CCDC148: variants seen among roughly 807,000 people sequenced by gnomAD.
CCDC148 encodes the protein coiled-coil domain containing 148, also known as coiled-coil domain-containing protein 148.
In CCDC148, 89 loss-of-function variants were observed where a neutral mutation model predicts 85.7. The ratio of observed to expected loss-of-function variants is 1.04; its 90% CI spans 0.87 to 1.24. The LOEUF (loss-of-function observed/expected upper bound fraction) is 1.24, where lower values mean the gene tolerates loss of function less well. Among genes scored for constraint, CCDC148 ranks in the 50% most tolerant of loss-of-function variants. CCDC148 has a pLI of 0.00. For missense variants in CCDC148, 692 were observed against 671.7 expected, an observed-to-expected ratio of 1.03 and a Z score of -0.33; for synonymous variants, 230 against 213.9, an observed-to-expected ratio of 1.08 and a Z score of -0.66.
intron 2 of CCDC148, among the ~76,000 whole-genome samples, chr2:158,351,375 G>T (rs943139433): frequency 4.6e-5 from 7 of 152,168 alleles, no homozygotes; most frequent in Admixed American, 6.5e-5. Context: ...TCAGTGGGTG[G>T]GCGCAACGTG....
intron 1 of CCDC148, among the ~76,000 whole-genome samples, chr2:158,365,310 A>G (rs931020072): frequency 2.6e-5 from 4 of 152,346 alleles, no homozygotes; most frequent in East Asian, 1.9e-4. Context: ...TACTGGGTAC[A>G]TACCCAGAGG....
intron 13 of CCDC148, among the ~76,000 whole-genome samples, chr2:158,172,609 T>C (rs1218940292): frequency 1.3e-5 from 2 of 152,122 alleles, no homozygotes; most frequent in African/African-American, 4.8e-5. Flanking sequence ...CAGATAATCA[T>C]TGATTAAAAT....
rs1381619398 is a variant in CCDC148, at chr2:158,171,699, T to A, written c.*414A>T. ...AATCAAGAAATAATAGAAGTATTAA[T>A]GATAATGAAGCTTCCATAATTAAAA... On this transcript the variant is annotated 3_prime_UTR_variant, in exon 14 of 14. Transcript: ENST00000283233. 5 of 152,420 alleles carry A rather than the reference T, an allele frequency of 3.3e-5. No homozygotes were observed. The highest frequency in any genetic ancestry group is 2.6e-4 in the Admixed American group (4 of 15,218). The allele number at this position is 152,420 out of a possible 1,614,324, so 9.4% of individuals were successfully genotyped here. A position where few individuals can be genotyped will look rare whatever the true frequency, so the allele number is the denominator to read the frequency against.
chr2:158,412,280 G>C (rs1686296241), intron 1 of CCDC148, among the ~76,000 whole-genome samples: 1 of 152,102 alleles, frequency 6.6e-6, no homozygotes, highest in African/African-American at 2.4e-5. Flanking sequence ...GTGCTACCTG[G>C]GTTGCTGTAG....
chr2:158,422,816 C>A (rs13393503), intron 1 of CCDC148, among the ~76,000 whole-genome samples: 4,145 of 145,150 alleles, frequency 0.029, 149 homozygotes, highest in African/African-American at 0.072. Context: ...AGATGACATG[C>A]CTGTATATTT....
At chr2:158,352,364 C>T (rs961168314) in intron 2 of CCDC148, among the ~76,000 whole-genome samples, 4 of 152,234 alleles carry the variant, frequency 2.6e-5, no homozygotes, top group East Asian at 1.9e-4. Context: ...GAATAACCAA[C>T]ACAGAGAACT....
At chr2:158,259,221 C>T (rs1416432403) in intron 9 of CCDC148, among the ~76,000 whole-genome samples, 1 of 151,822 alleles carries the variant, frequency 6.6e-6, no homozygotes, top group East Asian at 1.9e-4. Context: ...TATCAAGCCT[C>T]TTAGTTATGT....
chr2:158,429,980 G>A lies in CCDC148; in HGVS notation c.25+26435C>T, dbSNP rs376357318. 9.8e-5 allele frequency among the ~76,000 whole-genome samples: 15 copies of A among 152,286 alleles called. 2 individuals are homozygous for A. The highest frequency in any genetic ancestry group is 6.5e-4 in the Admixed American group (10 of 15,288). On this transcript the variant is annotated intron_variant, in intron 1 of 13. Transcript: ENST00000283233. ...AGGCATCTGGAAGTTGTGAAGCAGA[G>A]TTATAAAAAAGAGGGAGCTATGCAT...
At chr2:158,426,096 G>A in intron 1 of CCDC148, among the ~76,000 whole-genome samples, 1 of 127,474 alleles carries the variant, frequency 7.8e-6, no homozygotes, top group Non-Finnish European at 1.9e-5. Context: ...AATAAATATA[G>A]AAAAGAACAC....
chr2:158,268,701 G>T (rs1346877629), intron 9 of CCDC148, among the ~76,000 whole-genome samples: 2 of 152,052 alleles, frequency 1.3e-5, no homozygotes, highest in Non-Finnish European at 2.9e-5. Flanking sequence ...TCTTATAAAT[G>T]AAAGTATGTA....
At chr2:158,404,942 A>C (rs957935887) in intron 1 of CCDC148, among the ~76,000 whole-genome samples, 1 of 152,176 alleles carries the variant, frequency 6.6e-6, no homozygotes, top group Non-Finnish European at 1.5e-5. Flanking sequence ...GTGAATGCAT[A>C]CATAGATGAT....
chr2:158,214,721 T>C (rs931008702), intron 11 of CCDC148, among the ~76,000 whole-genome samples: 4 of 152,102 alleles, frequency 2.6e-5, no homozygotes, highest in African/African-American at 9.7e-5. Context: ...CTCACAGAGC[T>C]TACTGAAGGA....
chr2:158,346,905 A>C (rs555197594), intron 2 of CCDC148, among the ~76,000 whole-genome samples: 1 of 151,824 alleles, frequency 6.6e-6, no homozygotes, highest in South Asian at 2.1e-4. Flanking sequence ...GTATAAGAAA[A>C]CAACCCAAAG....
At chr2:158,234,963 A>G (rs760446327) in intron 10 of CCDC148, among the ~76,000 whole-genome samples, 7 of 152,114 alleles carry the variant, frequency 4.6e-5, no homozygotes, top group South Asian at 2.1e-4. Context: ...TAATTACACA[A>G]TGGGGCCTTC....
chr2:158,296,983 G>T (rs571696306), intron 9 of CCDC148, among the ~76,000 whole-genome samples: 3 of 152,246 alleles, frequency 2.0e-5, no homozygotes, highest in African/African-American at 7.2e-5. Context: ...TTGTATCCAT[G>T]GTTAACCACA....
At chr2:158,400,360 C>A (rs932457166) in intron 1 of CCDC148, among the ~76,000 whole-genome samples, 2 of 151,958 alleles carry the variant, frequency 1.3e-5, no homozygotes, top group Admixed American at 1.3e-4. Context: ...CCAAAACAGA[C>A]ATATAGACCA....
intron 10 of CCDC148, among the ~76,000 whole-genome samples, chr2:158,223,202 A>G (rs1687289876): frequency 6.6e-6 from 1 of 152,182 alleles, no homozygotes; most frequent in Non-Finnish European, 1.5e-5. Flanking sequence ...TCCTACGCCC[A>G]CGGATCCTCA....
Position 158,350,558 on chromosome 2 carries a change from G to A in CCDC148, c.148-5240C>T, listed in dbSNP as rs552141830. Among the ~76,000 whole-genome samples the A allele has an allele frequency of 2.4e-4, 37 of 152,170 alleles. No homozygotes were observed. In the South Asian group the frequency reaches 7.3e-3, roughly 30 times the overall value. On this transcript the variant is annotated intron_variant, in intron 2 of 13. Transcript: ENST00000283233. Reference sequence around the variant, plus strand: ...TTTTGGTCCAGATGTCCCAATCATGGGAATTTTTCCTATGAGAGTAGAGGA... The same window carrying A: ...TTTTGGTCCAGATGTCCCAATCATGAGAATTTTTCCTATGAGAGTAGAGGA...
At chr2:158,390,800 T>C (rs946860531) in intron 1 of CCDC148, among the ~76,000 whole-genome samples, 1 of 152,144 alleles carries the variant, frequency 6.6e-6, no homozygotes, top group Non-Finnish European at 1.5e-5. Flanking sequence ...GTCTTTTTTT[T>C]CTTAAGGTAG....
Sources: gnomAD v4.1 joint callset for allele counts (sites outside exome capture counted in the v4.1 genomes callset) on GRCh38, gnomAD v4.1.1 for gene constraint, MANE v1.5 for transcripts, NCBI Gene and HGNC (gene_info 2026-07-23, HGNC 2026-07-21) for gene names.